HSDL1: variants seen among roughly 807,000 people sequenced by gnomAD.
HSDL1 encodes the protein inactive hydroxysteroid dehydrogenase-like protein 1.
HSDL1 carries 29 observed loss-of-function variants against 31.5 expected under a neutral mutation model. That is an observed-to-expected ratio of 0.92 (90% CI 0.69 to 1.26). HSDL1 has a LOEUF of 1.26. Ranked by LOEUF, HSDL1 falls within the 50% of genes most tolerant of loss-of-function variation. The pLI, the probability that HSDL1 is intolerant of heterozygous loss-of-function variation, is 0.00. For missense variants in HSDL1, 503 were observed against 416.6 expected, an observed-to-expected ratio of 1.21 and a Z score of -1.81; for synonymous variants, 222 against 155.2, an observed-to-expected ratio of 1.43 and a Z score of -3.20.
At chr16:84,144,585 G>C (rs78309771) in intron 1 of HSDL1, 1 of 152,222 alleles carries the variant, frequency 6.6e-6, no homozygotes, top group African/African-American at 2.4e-5. Flanking sequence ...AGAAAAACAC[G>C]GCAACAACAA....
At chr16:84,138,186 A>C (rs2086730630) in intron 1 of HSDL1, among the ~76,000 whole-genome samples, 1 of 152,234 alleles carries the variant, frequency 6.6e-6, no homozygotes, top group Admixed American at 6.5e-5. Flanking sequence ...CCTGCAACCT[A>C]GAGAAACCCA....
intron 1 of HSDL1, among the ~76,000 whole-genome samples, 192 bp from the exon 2 acceptor site, chr16:84,135,797 C>T (rs2086706773): frequency 2.0e-5 from 3 of 152,228 alleles, no homozygotes; most frequent in Admixed American, 6.5e-5. Context: ...ATAAGAAAAG[C>T]GCCTGGCGTC....
chr16:84,142,400 G>T (rs2086776743), intron 1 of HSDL1, among the ~76,000 whole-genome samples: 1 of 144,032 alleles, frequency 6.9e-6, no homozygotes, highest in East Asian at 2.0e-4. Context: ...CTGGCGTTTT[G>T]TGATGGTGTG....
intron 1 of HSDL1, among the ~76,000 whole-genome samples, chr16:84,136,773 T>C (rs1169567106): frequency 6.6e-6 from 1 of 152,244 alleles, no homozygotes; most frequent in Non-Finnish European, 1.5e-5. Context: ...TTAATATTAT[T>C]GTTGCTATGT....
Position 84,124,383 on chromosome 16 carries a change from G to C in HSDL1, c.*247C>G, listed in dbSNP as rs369639298. ...AAAAGCGTAACTTTCAAACAGCTTA[G>C]GGAAAAAGCACTGAAATGTAGATGT... On this transcript the variant is annotated 3_prime_UTR_variant, in exon 6 of 6. Coordinates refer to ENST00000219439, the MANE Select transcript of HSDL1 (RefSeq NM_031463.5). 2 of 351,342 alleles carry C rather than the reference G, an allele frequency of 5.7e-6. No individual in the cohort carries two copies. The highest frequency in any genetic ancestry group is 2.1e-5 in the African/African-American group (1 of 48,156). 21.8% of individuals were successfully genotyped at this position (351,342 alleles called of 1,614,324 possible).
At chr16:84,133,058 G>T (rs189822178) in intron 2 of HSDL1, among the ~76,000 whole-genome samples, 13 of 151,330 alleles carry the variant, frequency 8.6e-5, no homozygotes, top group Admixed American at 6.6e-4. Flanking sequence ...AGAAAGAATG[G>T]GGAATTCCCT....
rs191994236 is a variant in HSDL1 at position 84,130,874 on chromosome 16, G to T, written c.220+228C>A. 54 of 507,592 alleles carry T rather than the reference G, an allele frequency of 1.1e-4. No individual in the cohort carries two copies. In the Middle Eastern group the frequency reaches 4.1e-3, roughly 39 times the overall value. The allele number at this position is 507,592 out of a possible 1,614,324, so 31.4% of individuals were successfully genotyped here. A position where few individuals can be genotyped will look rare whatever the true frequency, so the allele number is the denominator to read the frequency against. On this transcript the variant is annotated intron_variant, in intron 3 of 5. Coordinates refer to ENST00000219439, the MANE Select transcript of HSDL1 (RefSeq NM_031463.5). ...ATAGTAGGAAGTGGGTCTGGAGGAG[G>T]ACTGGGAACAGGAGAGAGCAGAATA...
chr16:84,141,664 G>A (rs777962184), intron 1 of HSDL1, among the ~76,000 whole-genome samples: 4 of 152,214 alleles, frequency 2.6e-5, no homozygotes, highest in African/African-American at 7.2e-5. Flanking sequence ...GGCTGGTAGC[G>A]TCCAAAGCTT....
intron 5 of HSDL1, among the ~76,000 whole-genome samples, chr16:84,126,849 T>C (rs1406958487): frequency 5.9e-5 from 9 of 152,024 alleles, no homozygotes; most frequent in East Asian, 1.9e-4. Flanking sequence ...TGATGTAAAA[T>C]TGGAAATAAA....
intron 5 of HSDL1, among the ~76,000 whole-genome samples, chr16:84,126,195 TG>T (rs2086605264): frequency 6.6e-6 from 1 of 151,136 alleles, no homozygotes; most frequent in Admixed American, 6.6e-5. Flanking sequence ...ATGAGAAAAC[TG>T]GGGCTTGAGG....
chr16:84,129,003 C>T (rs1303984312), intron 5 of HSDL1, among the ~76,000 whole-genome samples: 2 of 152,102 alleles, frequency 1.3e-5, no homozygotes, highest in Admixed American at 6.6e-5. Flanking sequence ...CCACCACACC[C>T]CAGCCAAAGT....
chr16:84,133,202 T>C (rs1336891666), intron 2 of HSDL1, among the ~76,000 whole-genome samples: 1 of 152,106 alleles, frequency 6.6e-6, no homozygotes, highest in Non-Finnish European at 1.5e-5. Context: ...AAAAGGCATA[T>C]AAAATAATTT....
At position 84,130,311 on chromosome 16, in the gene HSDL1, G is replaced by T; in HGVS notation, c.341C>A (p.Thr114Lys). Residue 114 changes from threonine (T) to lysine (K), a missense_variant, in exon 4 of 6, where the codon ACG becomes AAG. Thr to Lys is a moderately conservative substitution (Grantham distance 78). Transcript: ENST00000219439. ...LQVVAKDIADTYKVETDIIVA... is the reference protein window; with the variant it reads ...LQVVAKDIADKYKVETDIIVA... ...TATAATATCAGTTTCCACTTTGTACGTGTCGGCTATGTCTTTAGCAACAAC... is the reference window on the plus strand; with the variant it reads ...TATAATATCAGTTTCCACTTTGTACTTGTCGGCTATGTCTTTAGCAACAAC... The T allele has an allele frequency of 6.2e-7, 1 of 1,614,170 alleles. No individual in the cohort carries two copies. Among genetic ancestry groups the T allele is most frequent in the Non-Finnish European group, 8.5e-7 (1 of 1,180,036 alleles).
At chr16:84,132,514 A>G (rs1310731641) in intron 2 of HSDL1, among the ~76,000 whole-genome samples, 5 of 152,248 alleles carry the variant, frequency 3.3e-5, no homozygotes, top group Non-Finnish European at 7.3e-5. Flanking sequence ...TTGAGGAAAG[A>G]AAAGTCCAAC....
intron 2 of HSDL1, among the ~76,000 whole-genome samples, chr16:84,133,221 T>A (rs963626318): frequency 6.6e-6 from 1 of 152,044 alleles, no homozygotes; most frequent in African/African-American, 2.4e-5. Flanking sequence ...TTTAAAACTA[T>A]TGAATAAATA....
At chr16:84,134,318 A>G (rs981258873) in intron 2 of HSDL1, among the ~76,000 whole-genome samples, 1 of 152,176 alleles carries the variant, frequency 6.6e-6, no homozygotes, top group Non-Finnish European at 1.5e-5. Context: ...ATATCCTATA[A>G]GAACATTAAA....
At chr16:84,129,413 C>T (rs1009340781) in intron 5 of HSDL1, 135 bp downstream of exon 5, 4 of 698,576 alleles carry the variant, frequency 5.7e-6, no homozygotes, top group Non-Finnish European at 9.6e-6. Context: ...AGTGTCTTAA[C>T]CAAAATTATT....
rs766948518 is a variant in HSDL1, at chr16:84,131,273, A to G, written c.49T>C (p.Ser17Pro). 1.9e-6 allele frequency: 3 copies of G among 1,613,976 alleles called. No individual in the cohort carries two copies. The highest frequency in any genetic ancestry group is 2.5e-6 in the Non-Finnish European group (3 of 1,180,010). ...AGAGCTTCCATATAGCAATTGCAAGACCTGGCGATTTCCCTGTACAAGAGG... is the reference window on the plus strand; with the variant it reads ...AGAGCTTCCATATAGCAATTGCAAGGCCTGGCGATTTCCCTGTACAAGAGG... Reference protein sequence around the residue: ...FYLLYREIARSCNCYMEALAL... With the variant: ...FYLLYREIARPCNCYMEALAL... The change falls in exon 3 of 6, where the codon TCT (serine) becomes CCT (proline). Residue 17 changes from serine (S) to proline (P), a missense_variant. Physicochemically the swap from Ser to Pro is moderately conservative, Grantham distance 74. Transcript: ENST00000219439.
At chr16:84,132,014 C>G (rs993977007) in intron 2 of HSDL1, among the ~76,000 whole-genome samples, 2 of 152,170 alleles carry the variant, frequency 1.3e-5, no homozygotes, top group Admixed American at 1.3e-4. Context: ...CATTTAACAT[C>G]CGTAGCTTAT....
Sources: allele counts gnomAD v4.1 joint callset (sites outside exome capture counted in the v4.1 genomes callset), GRCh38; gene constraint gnomAD v4.1.1; transcripts MANE v1.5; gene names NCBI Gene and HGNC (gene_info 2026-07-23, HGNC 2026-07-21).